Variants in GNAS observed in about 807,000 individuals in gnomAD.
GNAS encodes the protein protein ALEX.
Under a neutral mutation model 54.5 loss-of-function variants are expected in GNAS, and 8 were observed. The observed-to-expected ratio is 0.15, with a 90% CI of 0.09 to 0.26. The LOEUF is 0.26. Among genes scored for constraint, GNAS ranks in the 10% least tolerant of loss-of-function variants. The pLI is 1.00. For missense variants in GNAS, 170 were observed against 529.8 expected (o/e 0.32, Z 6.67); for synonymous variants, 204 against 191.4 (o/e 1.07, Z -0.54).
rs149626880 is a variant in GNAS, at chr20:58,841,838, G to A, written c.43+952G>A. ...GAGACGTCCTGGGCTGTTTGCGCAG[G>A]ACCTCTGGAGGCCCTCGAGATCGTC... On this transcript the variant is annotated intron_variant, in intron 1 of 12. Coordinates refer to the GNAS transcript ENST00000306090. The surrounding 1 kb of genome is among the most constrained non-coding windows in gnomAD (Gnocchi z 5.0). 0.03 allele frequency: 37,012 copies of A among 1,230,970 alleles called. 620 individuals are homozygous for A. Among genetic ancestry groups the A allele is most frequent in the Middle Eastern group, 0.063 (202 of 3,208 alleles). 76.3% of individuals were successfully genotyped at this position (1,230,970 alleles called of 1,614,324 possible).
At chr20:58,852,116 G>A (rs550579896) in intron 1 of GNAS, among the ~76,000 whole-genome samples, 2 of 151,986 alleles carry the variant, frequency 1.3e-5, no homozygotes, top group South Asian at 2.1e-4. Flanking sequence ...TCTTGGTGCC[G>A]CCGCAGCTAC....
intron 1 of GNAS, chr20:58,855,071 G>A: frequency 6.2e-7 from 1 of 1,613,362 alleles, no homozygotes; most frequent in Non-Finnish European, 8.5e-7. Flanking sequence ...GCCGCCGAAA[G>A]CCCCAGCGCA....
chr20:58,839,798 CGA>C, upstream of GNAS: 1 of 578,408 alleles, frequency 1.7e-6, no homozygotes, highest in Non-Finnish European at 3.1e-6. Context: ...GCACCTCTCT[CGA>C]GTCTTAGGCT....
intron 1 of GNAS, among the ~76,000 whole-genome samples, chr20:58,846,211 G>C (rs776939214): frequency 6.6e-6 from 1 of 152,128 alleles, no homozygotes; most frequent in Non-Finnish European, 1.5e-5. Context: ...GAAATTTGGC[G>C]GTTATAAAGA....
chr20:58,894,252 T>C (rs1027443232), intron 1 of GNAS, among the ~76,000 whole-genome samples: 1 of 152,266 alleles, frequency 6.6e-6, no homozygotes, highest in Non-Finnish European at 1.5e-5. Context: ...TTACACAGTT[T>C]AACACTTCTG....
rs1171230192 is a variant in GNAS, at chr20:58,892,978, GA to G, written c.139+1119del. Among the ~76,000 whole-genome samples the G allele has an allele frequency of 3.5e-5, 5 of 143,208 alleles. No homozygotes were observed. In the East Asian group the frequency reaches 1.0e-3, roughly 30 times the overall value. The allele number at this position is 143,208 out of a possible 152,430, so 94.0% of individuals were successfully genotyped here. On this transcript the variant is annotated intron_variant, in intron 1 of 12. Transcript: ENST00000371085. ...CCACATTGAGAGTGCTTTGTGAAAAGAAAAAACAAAGACATTCACAAATCAG... is the reference window on the plus strand; with the variant it reads ...CCACATTGAGAGTGCTTTGTGAAAAGAAAAACAAAGACATTCACAAATCAG...
chr20:58,874,368 A>G (rs1297349588), intron 1 of GNAS, among the ~76,000 whole-genome samples: 1 of 152,232 alleles, frequency 6.6e-6, no homozygotes, highest in Admixed American at 6.5e-5. Flanking sequence ...AGGATCTTTC[A>G]AGACTAAAAT....
In GNAS at chr20:58,840,886, G is replaced by C. The variant is rs1383228484; in HGVS notation, c.43G>C (p.Gly15Arg). ...GATTCTCCTTGTTTTCATGGATTCA[G>C]GTTAGTTGCCCACCGCTAAACTGGG... The change falls in exon 1 of 13, where the codon GGT becomes CGT. Residue 15 changes from glycine to arginine, a missense_variant and splice_region_variant. Gly to Arg is a moderately radical substitution (Grantham distance 125). Coordinates refer to the GNAS transcript ENST00000306090. The surrounding 1 kb of genome is among the most constrained non-coding windows in gnomAD (Gnocchi z 6.0). 6.2e-7 allele frequency: 1 copy of C among 1,612,480 alleles called. No homozygotes were observed. Among genetic ancestry groups the C allele is most frequent in the Non-Finnish European group, 8.5e-7 (1 of 1,179,906 alleles).
At chr20:58,896,621 TA>T (rs5842245) in intron 2 of GNAS, among the ~76,000 whole-genome samples, 319 of 133,130 alleles carry the variant, frequency 2.4e-3, no homozygotes, top group Middle Eastern at 3.8e-3. Flanking sequence ...ACAAAACGTG[TA>T]AAAAAAAAAA....
chr20:58,854,250 C>A (rs2086321394), intron 1 of GNAS: 15 of 1,613,276 alleles, frequency 9.3e-6, no homozygotes, highest in Non-Finnish European at 1.3e-5. Flanking sequence ...GGACAGCCCC[C>A]CAATCGCGCT....
intron 3 of GNAS, chr20:58,903,181 T>C: frequency 2.5e-6 from 1 of 407,224 alleles, no homozygotes; most frequent in Non-Finnish European, 4.6e-6. Flanking sequence ...GCCTCACCCC[T>C]ACCCAGATGT....
intron 2 of GNAS, among the ~76,000 whole-genome samples, chr20:58,896,778 A>G (rs540122510): frequency 1.3e-5 from 2 of 152,194 alleles, no homozygotes; most frequent in Non-Finnish European, 2.9e-5. Context: ...TCCCTTTCTT[A>G]AACTTGGATT....
At chr20:58,848,738 C>A in intron 1 of GNAS, 1 of 393,882 alleles carries the variant, frequency 2.5e-6, no homozygotes, top group Non-Finnish European at 4.5e-6. Context: ...TAGCCGATCA[C>A]CCCCAGCTCT....
intron 1 of GNAS, among the ~76,000 whole-genome samples, chr20:58,864,581 G>T (rs1284020490): frequency 6.6e-6 from 1 of 152,190 alleles, no homozygotes; most frequent in Non-Finnish European, 1.5e-5. Context: ...GTGACCACTA[G>T]ATGGTGAGAC....
At chr20:58,889,120 T>C, upstream of GNAS, 2 of 1,171,926 alleles carry the variant, frequency 1.7e-6, no homozygotes, top group South Asian at 1.5e-5. Context: ...GTCGGTCCTC[T>C]GAAGAGGCTG....
intron 1 of GNAS, among the ~76,000 whole-genome samples, chr20:58,845,133 T>C (rs1338761275): frequency 1.3e-5 from 2 of 152,158 alleles, no homozygotes; most frequent in Non-Finnish European, 2.9e-5. Flanking sequence ...AGTACTGACC[T>C]AGTACTGCAG....
intron 3 of GNAS, among the ~76,000 whole-genome samples, chr20:58,901,224 G>A (rs1279797557): frequency 6.6e-6 from 1 of 152,156 alleles, no homozygotes; most frequent in African/African-American, 2.4e-5. Flanking sequence ...ATTCAAAAGT[G>A]AACATTGGGG....
chr20:58,888,945 CGCGCCCGCGCCCCCCGCCATCGCG>C, upstream of GNAS: 1 of 333,244 alleles, frequency 3.0e-6, no homozygotes, highest in Non-Finnish European at 4.3e-6. Context: ...CCGCCTTGGG[CGCGCCCGCGCCCCCCGCCATCGCG>C]GCCCCCGCGC....
At chr20:58,846,680 C>T (rs2085951196) in intron 1 of GNAS, among the ~76,000 whole-genome samples, 2 of 152,220 alleles carry the variant, frequency 1.3e-5, no homozygotes, top group Non-Finnish European at 2.9e-5. Flanking sequence ...CGTTTCTTCT[C>T]CCCTCAACCC....
Sources: gnomAD v4.1 joint callset for allele counts (sites outside exome capture counted in the v4.1 genomes callset) on GRCh38, gnomAD v4.1.1 for gene constraint, Gnocchi (gnomAD v3.1) non-coding constraint, MANE v1.5 for transcripts, NCBI Gene and HGNC (gene_info 2026-07-23, HGNC 2026-07-21) for gene names.